Variants in USP13 observed in about 807,000 individuals in gnomAD.
USP13 encodes the protein ubiquitin carboxyl-terminal hydrolase 13.
Under a neutral mutation model 107.8 loss-of-function variants are expected in USP13, and 68 were observed. The observed-to-expected ratio is 0.63, with a 90% confidence interval of 0.52 to 0.77. The LOEUF is 0.77. USP13 is among the 30% of genes least tolerant of loss of function. The pLI is 0.00. For synonymous variants in USP13, 377 were observed against 389.5 expected, an observed-to-expected ratio of 0.97 and a Z score of 0.38; for missense variants, 945 against 1,093.3, an observed-to-expected ratio of 0.86 and a Z score of 1.91.
chr3:179,724,691 A>G (rs1328715797), intron 8 of USP13, among the ~76,000 whole-genome samples: 1 of 152,220 alleles, frequency 6.6e-6, no homozygotes, highest in African/African-American at 2.4e-5. Context: ...AATGACAACC[A>G]AGGTAGATTG....
chr3:179,723,066 C>T (rs60288739), intron 8 of USP13, among the ~76,000 whole-genome samples: 1,963 of 152,288 alleles, frequency 0.013, 42 homozygotes, highest in African/African-American at 0.045. Context: ...GGTAGGTTTC[C>T]ACCTTAGTTT....
intron 2 of USP13, among the ~76,000 whole-genome samples, chr3:179,689,460 C>T (rs1479689060): frequency 2.0e-5 from 3 of 151,824 alleles, no homozygotes; most frequent in Non-Finnish European, 1.5e-5. Context: ...AGTTCAAGAC[C>T]AGCCTGACCA....
rs762030072 is a variant in USP13, at chr3:179,761,120, A to T, written c.1957A>T (p.Ile653Phe). ...CCTGTTGTGCTCTGTAGCATCAGACATCGATGAGTCATCAGTGATGCAGCT... is the reference window on the plus strand; with the variant it reads ...CCTGTTGTGCTCTGTAGCATCAGACTTCGATGAGTCATCAGTGATGCAGCT... ...LMNQLIDPSD[I>F]DESSVMQLAE... Residue 653 changes from isoleucine to phenylalanine, a missense_variant, in exon 17 of 21, where the codon ATC becomes TTC. Physicochemically the swap from Ile to Phe is conservative, Grantham distance 21. Coordinates refer to ENST00000263966, the MANE Select transcript of USP13 (RefSeq NM_003940.3). The T allele has an allele frequency of 6.2e-7, 1 of 1,614,100 alleles. No individual in the cohort carries two copies. Among genetic ancestry groups the T allele is most frequent in the Non-Finnish European group, 8.5e-7 (1 of 1,180,038 alleles).
intron 3 of USP13, among the ~76,000 whole-genome samples, chr3:179,697,231 C>A (rs1307342145): frequency 6.6e-6 from 1 of 152,214 alleles, no homozygotes; most frequent in African/African-American, 2.4e-5. Flanking sequence ...AGTTCATCTG[C>A]CCCTCTGATA....
At chr3:179,654,084 G>GGAGCC (rs1240661770) in intron 1 of USP13, among the ~76,000 whole-genome samples, 9 of 151,974 alleles carry the variant, frequency 5.9e-5, no homozygotes, top group Admixed American at 2.0e-4. Flanking sequence ...CGCGGTGGCG[G>GGAGCC]GAGCCTGTAG....
intron 6 of USP13, among the ~76,000 whole-genome samples, chr3:179,710,362 G>C (rs1248296891): frequency 1.3e-5 from 2 of 152,132 alleles, no homozygotes; most frequent in Non-Finnish European, 2.9e-5. Context: ...AATTCTGTCG[G>C]ATAAAGTTGC....
chr3:179,681,995 G>A lies in USP13; in HGVS notation c.286G>A (p.Val96Met). Reference sequence around the variant, plus strand: ...TGTATACATGCACCTGAAAAGACATGTGCGAGAGGTGAGAGCGGCACTTTC... The same window carrying A: ...TGTATACATGCACCTGAAAAGACATATGCGAGAGGTGAGAGCGGCACTTTC... ...QSVYMHLKRHVREKVRGASGG... is the reference protein window; with the variant it reads ...QSVYMHLKRHMREKVRGASGG... Residue 96 changes from valine to methionine, a missense_variant, in exon 2 of 21, where the codon GTG becomes ATG. Transcript: ENST00000263966. The A allele has an allele frequency of 6.2e-7, 1 of 1,612,706 alleles. No homozygotes were observed. The highest frequency in any genetic ancestry group is 8.5e-7 in the Non-Finnish European group (1 of 1,179,196).
At chr3:179,720,588 G>T (rs996983181) in intron 7 of USP13, among the ~76,000 whole-genome samples, 1 of 151,926 alleles carries the variant, frequency 6.6e-6, no homozygotes, top group Non-Finnish European at 1.5e-5. Flanking sequence ...CTTCCAGGTC[G>T]CCTCCCTCTC....
chr3:179,726,766 C>T (rs967607669), intron 8 of USP13, among the ~76,000 whole-genome samples: 46 of 151,948 alleles, frequency 3.0e-4, no homozygotes, highest in African/African-American at 1.1e-3. Flanking sequence ...CAGCCTTGAC[C>T]TCCTGGGCTC....
chr3:179,720,838 C>T (rs1357311060), intron 7 of USP13, among the ~76,000 whole-genome samples: 4 of 142,062 alleles, frequency 2.8e-5, no homozygotes, highest in African/African-American at 8.1e-5. Flanking sequence ...GATGGAGTTT[C>T]GCTCTTGTTG....
chr3:179,755,567 G>A (rs542509614), intron 15 of USP13, among the ~76,000 whole-genome samples: 2 of 152,308 alleles, frequency 1.3e-5, no homozygotes, highest in African/African-American at 2.4e-5. Flanking sequence ...CAAAGTGTTG[G>A]GATTACAGGC....
chr3:179,735,512 C>T (rs1021948266), intron 10 of USP13, among the ~76,000 whole-genome samples: 5 of 151,832 alleles, frequency 3.3e-5, no homozygotes, highest in African/African-American at 1.2e-4. Context: ...TGATGTGCAG[C>T]TTCAATAATC....
intron 1 of USP13, among the ~76,000 whole-genome samples, chr3:179,665,417 T>C (rs1720558940): frequency 6.6e-6 from 1 of 152,218 alleles, no homozygotes; most frequent in South Asian, 2.1e-4. Context: ...GTAATTGGCT[T>C]ACATGTTATA....
At chr3:179,740,432 G>A in intron 11 of USP13, 60 bp downstream of exon 11, 2 of 1,607,306 alleles carry the variant, frequency 1.2e-6, no homozygotes, top group South Asian at 2.2e-5. Context: ...GAGCCACTCA[G>A]TGCAGTCTGC....
intron 20 of USP13, 69 bp from the exon 21 acceptor site, chr3:179,783,979 A>G: frequency 8.0e-7 from 1 of 1,247,796 alleles, no homozygotes; most frequent in Non-Finnish European, 1.2e-6. Context: ...CATATGATTT[A>G]GTGACTTCTT....
At chr3:179,736,148 A>G (rs1713989467) in intron 10 of USP13, among the ~76,000 whole-genome samples, 2 of 152,172 alleles carry the variant, frequency 1.3e-5, no homozygotes, top group Admixed American at 1.3e-4. Flanking sequence ...ATTATCCAAG[A>G]TATCTTTCTA....
chr3:179,721,619 G>A lies in USP13; in HGVS notation c.1088+30G>A, dbSNP rs1200921458. 5.6e-6 allele frequency: 9 copies of A among 1,605,420 alleles called. No individual in the cohort carries two copies. Among genetic ancestry groups the A allele is most frequent in the African/African-American group, 1.3e-5 (1 of 74,786 alleles). On this transcript the variant is annotated intron_variant, in intron 8 of 20. Transcript: ENST00000263966. The surrounding 1 kb of genome is among the most constrained non-coding windows in gnomAD (Gnocchi z 4.3). The stretch of plus-strand genomic sequence containing the variant: ...GTGCCTTCCATGCAGACCAGGGCAC[G>A]CGGCACCTCCCTGCCCCATCTAGGT...
Position 179,784,262 on chromosome 3 carries a change from T to C in USP13, c.*121T>C, listed in dbSNP as rs1715851648. On this transcript the variant is annotated 3_prime_UTR_variant, in exon 21 of 21. Coordinates refer to ENST00000263966, the MANE Select transcript of USP13 (RefSeq NM_003940.3). ...AGGAATATATGGGGTATTTATCGTT[T>C]ATTTAAAGAGCACGATCAGTTGACA... 1 of 752,828 alleles carries C rather than the reference T, an allele frequency of 1.3e-6. No homozygotes were observed. Among genetic ancestry groups the C allele is most frequent in the African/African-American group, 1.8e-5 (1 of 56,772 alleles). The allele number at this position is 752,828 out of a possible 1,614,324, so 46.6% of individuals were successfully genotyped here. A position where few individuals can be genotyped will look rare whatever the true frequency, so the allele number is the denominator to read the frequency against.
At chr3:179,718,427 G>A (rs1713183240) in intron 6 of USP13, among the ~76,000 whole-genome samples, 2 of 152,050 alleles carry the variant, frequency 1.3e-5, no homozygotes, top group East Asian at 1.9e-4. Context: ...GGAGTGCTGG[G>A]ATTACAGATG....
Sources: gnomAD v4.1 joint callset for allele counts (sites outside exome capture counted in the v4.1 genomes callset) on GRCh38, gnomAD v4.1.1 for gene constraint, Gnocchi (gnomAD v3.1) non-coding constraint, MANE v1.5 for transcripts, NCBI Gene and HGNC (gene_info 2026-07-23, HGNC 2026-07-21) for gene names.